Variants in ANKS1B observed in about 807,000 individuals in gnomAD.
ANKS1B encodes the protein ankyrin repeat and sterile alpha motif domain containing 1B.
ANKS1B carries 36 observed loss-of-function variants against 148.3 expected under a neutral mutation model. That is an observed-to-expected ratio of 0.24 (90% CI 0.19 to 0.32). ANKS1B has a LOEUF of 0.32. Among genes scored for constraint, ANKS1B ranks in the 10% least tolerant of loss-of-function variants. The pLI, the probability that ANKS1B is intolerant of heterozygous loss-of-function variation, is 1.00. For synonymous variants in ANKS1B, 542 were observed against 560.8 expected, an observed-to-expected ratio of 0.97 and a Z score of 0.47; for missense variants, 1,157 against 1,542.6, an observed-to-expected ratio of 0.75 and a Z score of 4.19.
At chr12:99,433,778 T>G (rs1045797246) in intron 11 of ANKS1B, among the ~76,000 whole-genome samples, 1 of 152,074 alleles carries the variant, frequency 6.6e-6, no homozygotes, top group Admixed American at 6.6e-5. Context: ...TGGAACTGGA[T>G]GAGAACACAT....
intron 8 of ANKS1B, among the ~76,000 whole-genome samples, chr12:99,754,410 A>C (rs2061383019): frequency 6.6e-6 from 1 of 152,266 alleles, no homozygotes; most frequent in Non-Finnish European, 1.5e-5. Flanking sequence ...TAACAGTGGG[A>C]AACTTTAATA....
At chr12:99,030,328 C>T (rs1462294307) in intron 17 of ANKS1B, among the ~76,000 whole-genome samples, 4 of 152,150 alleles carry the variant, frequency 2.6e-5, no homozygotes, top group Non-Finnish European at 4.4e-5. Context: ...ACTGGTGCTT[C>T]TACATACCCT....
chr12:99,959,227 ATTTTTTT>A lies in ANKS1B; in HGVS notation c.134+24870_134+24876del, dbSNP rs71088166. ...AGGTGCAGGCCACCACACCCAGTTA[ATTTTTTT>A]TTTTTTTTTTTTTTTTGTATTTTCA... On this transcript the variant is annotated intron_variant, in intron 1 of 26. Transcript: ENST00000683438. Among the ~76,000 whole-genome samples the A allele has an allele frequency of 4.2e-3, 421 of 99,878 alleles. 1 individual carries two copies. Among genetic ancestry groups the A allele is most frequent in the Middle Eastern group, 0.03 (5 of 164 alleles). 65.5% of individuals were successfully genotyped at this position (99,878 alleles called of 152,430 possible). A position where few individuals can be genotyped will look rare whatever the true frequency, so the allele number is the denominator to read the frequency against.
At chr12:99,367,911 A>G (rs1422612845) in intron 12 of ANKS1B, among the ~76,000 whole-genome samples, 1 of 152,144 alleles carries the variant, frequency 6.6e-6, no homozygotes, top group Non-Finnish European at 1.5e-5. Context: ...CTTTTTATAT[A>G]ATTTTGACAT....
At chr12:99,186,410 A>G (rs922637238) in intron 14 of ANKS1B, among the ~76,000 whole-genome samples, 2 of 152,156 alleles carry the variant, frequency 1.3e-5, no homozygotes, top group Admixed American at 1.3e-4. Flanking sequence ...CTGCCTCCTT[A>G]AGTGGGTCCC....
At chr12:99,623,987 A>G (rs1264692193) in intron 9 of ANKS1B, among the ~76,000 whole-genome samples, 4 of 152,062 alleles carry the variant, frequency 2.6e-5, no homozygotes, top group Non-Finnish European at 5.9e-5. Flanking sequence ...GATACATCTT[A>G]TTACCCAACG....
chr12:99,272,250 G>A (rs1172014951), intron 12 of ANKS1B, among the ~76,000 whole-genome samples: 1 of 152,132 alleles, frequency 6.6e-6, no homozygotes, highest in Non-Finnish European at 1.5e-5. Flanking sequence ...GAGCTTCAGA[G>A]CTAACCCAGG....
At chr12:99,679,362 G>A (rs1339257993) in intron 8 of ANKS1B, among the ~76,000 whole-genome samples, 1 of 152,186 alleles carries the variant, frequency 6.6e-6, no homozygotes, top group East Asian at 1.9e-4. Flanking sequence ...AGGCTGGAGT[G>A]CAGTGGCACC....
intron 8 of ANKS1B, among the ~76,000 whole-genome samples, chr12:99,689,743 C>T (rs1447900593): frequency 6.6e-6 from 1 of 152,150 alleles, no homozygotes; most frequent in African/African-American, 2.4e-5. Flanking sequence ...AAGTTGAAAG[C>T]AACTCTCCTC....
chr12:99,980,302 C>A (rs1298293840), intron 1 of ANKS1B, among the ~76,000 whole-genome samples: 1 of 151,930 alleles, frequency 6.6e-6, no homozygotes, highest in Non-Finnish European at 1.5e-5. Flanking sequence ...GTTTTAATAG[C>A]TGCTATTTTA....
chr12:99,880,149 T>A (rs1004415039), intron 1 of ANKS1B, among the ~76,000 whole-genome samples: 1 of 152,220 alleles, frequency 6.6e-6, no homozygotes, highest in Non-Finnish European at 1.5e-5. Context: ...ATTCAATATA[T>A]ACAAACTACT....
intron 1 of ANKS1B, among the ~76,000 whole-genome samples, chr12:99,915,225 C>CAAA (rs34176071): frequency 0.069 from 6,990 of 101,436 alleles, 341 homozygotes; most frequent in Non-Finnish European, 0.082. Flanking sequence ...AAAGCTGTCT[C>CAAA]AAAAAAAAAA....
intron 17 of ANKS1B, among the ~76,000 whole-genome samples, chr12:98,851,513 A>G (rs942206105): frequency 6.6e-6 from 1 of 152,192 alleles, no homozygotes; most frequent in Non-Finnish European, 1.5e-5. Context: ...TTAGTTCCCT[A>G]TTAATTTTGC....
chr12:99,088,561 T>G (rs1358853010), intron 15 of ANKS1B, among the ~76,000 whole-genome samples: 2 of 152,202 alleles, frequency 1.3e-5, no homozygotes, highest in African/African-American at 4.8e-5. Flanking sequence ...ATATATTTTT[T>G]TTTGACAAAT....
chr12:98,873,965 C>T (rs573828486), intron 17 of ANKS1B, among the ~76,000 whole-genome samples: 9 of 152,026 alleles, frequency 5.9e-5, no homozygotes, highest in Admixed American at 1.3e-4. Context: ...AGAGGCCTGT[C>T]GGCAAGTTAG....
At chr12:99,580,674 G>T (rs1340266916) in intron 9 of ANKS1B, among the ~76,000 whole-genome samples, 1 of 152,136 alleles carries the variant, frequency 6.6e-6, no homozygotes, top group Non-Finnish European at 1.5e-5. Flanking sequence ...AAGTTCTATT[G>T]TTCAATAGCA....
Position 99,422,821 on chromosome 12 carries a change from T to C in ANKS1B, c.1575+20852A>G, listed in dbSNP as rs76456000. On this transcript the variant is annotated intron_variant, in intron 11 of 26. Coordinates refer to ENST00000683438, the MANE Select transcript of ANKS1B (RefSeq NM_001352186.2). ...GGAAATGAGGTGGTAAAAAGAGATA[T>C]ATTAAAGAGATAAGAACAAAAAGGA... is the stretch of plus-strand genomic sequence containing the variant. Among the ~76,000 whole-genome samples, 1,126 of 152,176 alleles carry C rather than the reference T, an allele frequency of 7.4e-3. 11 individuals carry two copies. The highest frequency in any genetic ancestry group is 0.025 in the African/African-American group (1,032 of 41,528).
Position 99,139,235 on chromosome 12 carries a change from T to G in ANKS1B, c.2526+15054A>C, listed in dbSNP as rs568934738. On this transcript the variant is annotated intron_variant, in intron 15 of 26. Coordinates refer to ENST00000683438, the MANE Select transcript of ANKS1B (RefSeq NM_001352186.2). ...CCTTCCTTCTCTTTCTTTCCTTCCT[T>G]CCTTCTCTCTTTCTTTCTTCTTCCT... Among the ~76,000 whole-genome samples the G allele has an allele frequency of 1.4e-3, 210 of 147,504 alleles. 1 individual carries two copies. Among genetic ancestry groups the G allele is most frequent in the Middle Eastern group, 7.1e-3 (2 of 280 alleles).
At chr12:99,660,294 G>A (rs533344276) in intron 8 of ANKS1B, among the ~76,000 whole-genome samples, 59 of 151,520 alleles carry the variant, frequency 3.9e-4, no homozygotes, top group Admixed American at 3.4e-3. Context: ...ACTTTCTCAC[G>A]ATAAATTCAT....
Sources: gnomAD v4.1 joint callset for allele counts (sites outside exome capture counted in the v4.1 genomes callset) on GRCh38, gnomAD v4.1.1 for gene constraint, MANE v1.5 for transcripts, NCBI Gene and HGNC (gene_info 2026-07-23, HGNC 2026-07-21) for gene names.